SND1: variants seen among roughly 807,000 people sequenced by gnomAD.
The protein encoded by SND1 is staphylococcal nuclease and tudor domain containing 1, also known as staphylococcal nuclease domain-containing protein 1.
SND1 carries 38 observed loss-of-function variants against 121.7 expected under a neutral mutation model. That is an observed-to-expected ratio of 0.31 (90% CI 0.24 to 0.41). SND1 has a LOEUF of 0.41. Ranked by LOEUF, SND1 falls within the 10% of genes least tolerant of loss-of-function variation. The pLI, the probability that SND1 is intolerant of heterozygous loss-of-function variation, is 1.00. For missense variants in SND1, 868 were observed against 1,184.6 expected (o/e 0.73, Z 3.92); for synonymous variants, 401 against 447.4 (o/e 0.90, Z 1.31).
intron 16 of SND1, among the ~76,000 whole-genome samples, chr7:128,068,574 T>C (rs1282475145): frequency 6.6e-6 from 1 of 152,074 alleles, no homozygotes; most frequent in African/African-American, 2.4e-5. Context: ...GGACCAAGTG[T>C]ATATTTCTGG....
chr7:128,042,837 T>G (rs560508757), intron 16 of SND1, among the ~76,000 whole-genome samples: 2 of 152,366 alleles, frequency 1.3e-5, no homozygotes, highest in East Asian at 3.9e-4. Context: ...TTAATGCCAC[T>G]GGAGGAGTTG....
chr7:127,836,878 A>G (rs1798877352), intron 11 of SND1, among the ~76,000 whole-genome samples: 1 of 152,166 alleles, frequency 6.6e-6, no homozygotes, highest in Non-Finnish European at 1.5e-5. Context: ...GAACTGAAAA[A>G]TACCTTCACC....
At chr7:127,862,087 T>G (rs1409721157) in intron 12 of SND1, among the ~76,000 whole-genome samples, 1 of 152,168 alleles carries the variant, frequency 6.6e-6, no homozygotes, top group East Asian at 1.9e-4. Context: ...CTAAGAGGTC[T>G]TTTTCTGGAA....
chr7:127,925,008 T>C lies in SND1; in HGVS notation c.1528-4180T>C, dbSNP rs78965118. Among the ~76,000 whole-genome samples, 261 of 152,300 alleles carry C rather than the reference T, an allele frequency of 1.7e-3. 2 individuals are homozygous for C. In the East Asian group the frequency reaches 0.034, roughly 20 times the overall value. On this transcript the variant is annotated intron_variant, in intron 14 of 23. Transcript: ENST00000354725. ...GGAGGGTCATTCAGAACCCTGTTCCTCTAAGTTTGAGATATAGATACTAAC... is the reference window on the plus strand; with the variant it reads ...GGAGGGTCATTCAGAACCCTGTTCCCCTAAGTTTGAGATATAGATACTAAC...
intron 10 of SND1, among the ~76,000 whole-genome samples, chr7:127,756,695 G>T (rs1797202975): frequency 6.6e-6 from 1 of 152,160 alleles, no homozygotes; most frequent in South Asian, 2.1e-4. Flanking sequence ...TAGAATCTGA[G>T]CTTCCCCAAA....
intron 10 of SND1, among the ~76,000 whole-genome samples, chr7:127,780,891 T>A (rs936015981): frequency 2.0e-5 from 3 of 152,224 alleles, no homozygotes; most frequent in Non-Finnish European, 2.9e-5. Flanking sequence ...GAAAAGTGAA[T>A]TCTTTATGAT....
chr7:127,665,287 C>T (rs1394106721), intron 1 of SND1, among the ~76,000 whole-genome samples: 6 of 151,754 alleles, frequency 4.0e-5, no homozygotes, highest in East Asian at 1.9e-4. Flanking sequence ...CCCGGGTTCT[C>T]GCCATTCTCC....
At chr7:127,729,774 C>A (rs1796642482) in intron 10 of SND1, among the ~76,000 whole-genome samples, 1 of 152,188 alleles carries the variant, frequency 6.6e-6, no homozygotes, top group South Asian at 2.1e-4. Flanking sequence ...GAAGCAGCAT[C>A]ATTTCTGTCA....
intron 10 of SND1, among the ~76,000 whole-genome samples, chr7:127,731,199 C>T (rs1796669851): frequency 5.9e-5 from 9 of 152,246 alleles, no homozygotes; most frequent in Admixed American, 5.9e-4. Flanking sequence ...GTTGGACCCC[C>T]TTTCCTCTAC....
At chr7:127,699,647 A>G (rs1351156899) in intron 4 of SND1, among the ~76,000 whole-genome samples, 2 of 152,200 alleles carry the variant, frequency 1.3e-5, no homozygotes, top group Non-Finnish European at 2.9e-5. Flanking sequence ...GGTTTATAGT[A>G]TGTATATCAT....
intron 16 of SND1, among the ~76,000 whole-genome samples, chr7:128,061,642 G>C (rs938732792): frequency 6.6e-6 from 1 of 152,216 alleles, no homozygotes; most frequent in Non-Finnish European, 1.5e-5. Flanking sequence ...TATTTTAATT[G>C]TCATTAGCAA....
At chr7:128,057,102 T>C (rs1793155737) in intron 16 of SND1, among the ~76,000 whole-genome samples, 1 of 152,160 alleles carries the variant, frequency 6.6e-6, no homozygotes, top group South Asian at 2.1e-4. Flanking sequence ...AGTTTAAAAC[T>C]TTGAATTATT....
At chr7:127,743,689 A>T (rs1244352916) in intron 10 of SND1, among the ~76,000 whole-genome samples, 1 of 152,130 alleles carries the variant, frequency 6.6e-6, no homozygotes, top group Admixed American at 6.5e-5. Context: ...CCTTAGGAGG[A>T]AGTTCATGGT....
chr7:127,849,289 T>G (rs1799123572), intron 12 of SND1, among the ~76,000 whole-genome samples: 1 of 152,222 alleles, frequency 6.6e-6, no homozygotes, highest in Admixed American at 6.5e-5. Context: ...CAGAGCCTTC[T>G]TGAAGAGTGA....
At position 127,679,588 on chromosome 7, in the gene SND1, C is replaced by T. The variant is rs1038740355; in HGVS notation, c.79-7025C>T. ...AATCTGTATCCATTAGTATATTCCCCACTCTCCCCTTCTGTCAGTCCCTGG... is the reference window on the plus strand; with the variant it reads ...AATCTGTATCCATTAGTATATTCCCTACTCTCCCCTTCTGTCAGTCCCTGG... On this transcript the variant is annotated intron_variant, in intron 1 of 23. Coordinates refer to ENST00000354725, the MANE Select transcript of SND1 (RefSeq NM_014390.4). 3.3e-5 allele frequency among the ~76,000 whole-genome samples: 5 copies of T among 152,138 alleles called. No homozygotes were observed. The East Asian group carries it at 9.6e-4, about 29-fold the overall frequency.
intron 14 of SND1, among the ~76,000 whole-genome samples, chr7:127,924,270 G>T (rs942542180): frequency 6.6e-6 from 1 of 152,150 alleles, no homozygotes; most frequent in Non-Finnish European, 1.5e-5. Flanking sequence ...AGTTCTGCAT[G>T]TATTTGTTTG....
chr7:128,047,130 C>A (rs540825727), intron 16 of SND1, among the ~76,000 whole-genome samples: 5 of 152,114 alleles, frequency 3.3e-5, no homozygotes, highest in African/African-American at 7.2e-5. Flanking sequence ...CATAGGCTAC[C>A]CTCAACTGCC....
intron 12 of SND1, among the ~76,000 whole-genome samples, chr7:127,875,636 G>A (rs1465138869): frequency 6.6e-6 from 1 of 152,154 alleles, no homozygotes; most frequent in African/African-American, 2.4e-5. Flanking sequence ...ATGATTACAT[G>A]TGGCAAGGCT....
At chr7:127,739,507 C>T (rs1184522668) in intron 10 of SND1, among the ~76,000 whole-genome samples, 3 of 152,198 alleles carry the variant, frequency 2.0e-5, no homozygotes, top group African/African-American at 7.2e-5. Context: ...GGCCTGCATC[C>T]TCAAGGATTA....
Sources: allele counts gnomAD v4.1 joint callset (sites outside exome capture counted in the v4.1 genomes callset), GRCh38; gene constraint gnomAD v4.1.1; transcripts MANE v1.5; gene names NCBI Gene and HGNC (gene_info 2026-07-23, HGNC 2026-07-21).